The following CBLB variants were observed in gnomAD, a reference collection of about 807,000 sequenced individuals.
The protein encoded by CBLB is Cbl proto-oncogene B.
CBLB carries 31 observed loss-of-function variants against 104.9 expected under a neutral mutation model. That is an observed-to-expected ratio of 0.30 (90% confidence interval 0.22 to 0.40). The LOEUF (loss-of-function observed/expected upper bound fraction) is 0.40, where lower values mean the gene tolerates loss of function less well. CBLB is among the 10% of genes least tolerant of loss of function. The pLI, the probability that CBLB is intolerant of heterozygous loss-of-function variation, is 1.00. For synonymous variants in CBLB, 440 were observed against 422.6 expected (o/e 1.04, Z -0.51); for missense variants, 1,062 against 1,214.6 (o/e 0.87, Z 1.87).
rs1380746866 is a variant in CBLB at position 105,720,371 on chromosome 3, G to C, written c.1204-121C>G. ...AAAAAGACTTTTTGGGGTAGGAGGTGGGGGAAGATTTCTCTTGAAGTGGTA... is the reference window on the plus strand; with the variant it reads ...AAAAAGACTTTTTGGGGTAGGAGGTCGGGGAAGATTTCTCTTGAAGTGGTA... On this transcript the variant is annotated intron_variant, in intron 9 of 18. Coordinates refer to ENST00000394030, the MANE Select transcript of CBLB (RefSeq NM_170662.5). The C allele has an allele frequency of 1.5e-5, 13 of 856,782 alleles. No homozygotes were observed. The African/African-American group carries it at 2.2e-4, about 14-fold the overall frequency. The allele number at this position is 856,782 out of a possible 1,614,324, so 53.1% of individuals were successfully genotyped here. A position where few individuals can be genotyped will look rare whatever the true frequency, so the allele number is the denominator to read the frequency against.
intron 4 of CBLB, among the ~76,000 whole-genome samples, chr3:105,760,719 G>A (rs753337954): frequency 6.6e-6 from 1 of 151,714 alleles, no homozygotes; most frequent in East Asian, 1.9e-4. Flanking sequence ...AGATGTATAA[G>A]ATAAACTGAG....
At position 105,812,282 on chromosome 3, in the gene CBLB, G is replaced by C. The variant is rs190664185; in HGVS notation, c.420-35740C>G. Among the ~76,000 whole-genome samples, 382 of 152,276 alleles carry C rather than the reference G, an allele frequency of 2.5e-3. 2 individuals are homozygous for C. The highest frequency in any genetic ancestry group is 8.8e-3 in the African/African-American group (367 of 41,548). ...CACTCATCCAACAAATATTTACTGA[G>C]CACCTACTATGTCTCAATGGCTATG... is the stretch of plus-strand genomic sequence containing the variant. On this transcript the variant is annotated intron_variant, in intron 3 of 18. Transcript: ENST00000394030.
chr3:105,691,688 T>C (rs2067711342), intron 13 of CBLB, among the ~76,000 whole-genome samples: 1 of 152,208 alleles, frequency 6.6e-6, no homozygotes, highest in Admixed American at 6.5e-5. Flanking sequence ...TTGTCACTGA[T>C]TTAGAGCCTA....
intron 2 of CBLB, among the ~76,000 whole-genome samples, chr3:105,857,007 C>T (rs1345181163): frequency 1.3e-5 from 2 of 152,130 alleles, no homozygotes; most frequent in Non-Finnish European, 2.9e-5. Flanking sequence ...CATTCTACAG[C>T]AGGCATAGTT....
At chr3:105,799,935 T>C (rs956311006) in intron 3 of CBLB, among the ~76,000 whole-genome samples, 1 of 152,160 alleles carries the variant, frequency 6.6e-6, no homozygotes, top group South Asian at 2.1e-4. Context: ...TTAAAATAAA[T>C]AAAATAAACA....
intron 9 of CBLB, among the ~76,000 whole-genome samples, chr3:105,723,291 A>AT (rs2073146150): frequency 6.6e-6 from 1 of 152,214 alleles, no homozygotes; most frequent in Non-Finnish European, 1.5e-5. Context: ...AATAATATGC[A>AT]TTAATGGAGA....
intron 12 of CBLB, among the ~76,000 whole-genome samples, chr3:105,694,323 GAAATTACAGCAACTTA>G (rs1347093638): frequency 6.6e-6 from 1 of 151,916 alleles, no homozygotes; most frequent in Non-Finnish European, 1.5e-5. Context: ...CCTACAATTT[GAAATTACAGCAACTTA>G]AAGGGGGGCG....
chr3:105,677,187 T>C (rs963814199), intron 17 of CBLB, among the ~76,000 whole-genome samples: 2 of 152,010 alleles, frequency 1.3e-5, no homozygotes, highest in African/African-American at 4.8e-5. Context: ...CACAAATGGG[T>C]AAACAGTGAA....
intron 3 of CBLB, among the ~76,000 whole-genome samples, chr3:105,808,396 T>C (rs1001399488): frequency 6.6e-6 from 1 of 152,202 alleles, no homozygotes; most frequent in Non-Finnish European, 1.5e-5. Context: ...GTAGTCTTTA[T>C]TTTACAGGTA....
rs75044421 is a variant in CBLB, at chr3:105,860,602, T to C, written c.168+6808A>G. On this transcript the variant is annotated intron_variant, in intron 2 of 18. Coordinates refer to ENST00000394030, the MANE Select transcript of CBLB (RefSeq NM_170662.5). ...TCTTACAAGAGGAAATGTAAAGTGC[T>C]ATGCACTGTGTCCAGAACATAGTTA... Among the ~76,000 whole-genome samples the C allele has an allele frequency of 2.9e-3, 436 of 152,378 alleles. 3 individuals are homozygous for C. The highest frequency in any genetic ancestry group is 0.01 in the African/African-American group (425 of 41,600).
intron 3 of CBLB, among the ~76,000 whole-genome samples, chr3:105,781,485 T>TA (rs1185484241): frequency 1.3e-5 from 2 of 152,204 alleles, no homozygotes; most frequent in Non-Finnish European, 2.9e-5. Flanking sequence ...GAGATCATCA[T>TA]AATACAATGT....
chr3:105,834,930 T>C (rs1410265960), intron 3 of CBLB, among the ~76,000 whole-genome samples: 2 of 152,182 alleles, frequency 1.3e-5, no homozygotes, highest in Non-Finnish European at 2.9e-5. Context: ...GCTTTTCTTG[T>C]TTACCAATTA....
intron 9 of CBLB, among the ~76,000 whole-genome samples, chr3:105,725,808 G>A (rs116866502): frequency 0.022 from 3,419 of 152,186 alleles, 91 homozygotes; most frequent in East Asian, 0.12. Flanking sequence ...AAGACTGGTC[G>A]CCTTTGAAGG....
At chr3:105,733,156 G>C (rs1010221299) in intron 9 of CBLB, among the ~76,000 whole-genome samples, 1 of 152,038 alleles carries the variant, frequency 6.6e-6, no homozygotes, top group Non-Finnish European at 1.5e-5. Flanking sequence ...AGGAGATCGA[G>C]ACCATCCTGG....
At chr3:105,810,535 A>G (rs1192254272) in intron 3 of CBLB, among the ~76,000 whole-genome samples, 2 of 152,172 alleles carry the variant, frequency 1.3e-5, no homozygotes, top group Admixed American at 6.5e-5. Context: ...GAAATAGCTA[A>G]ACTTCATAAG....
rs191749907 is a variant in CBLB at position 105,720,351 on chromosome 3, G to C, written c.1204-101C>G. 3.6e-6 allele frequency: 4 copies of C among 1,112,316 alleles called. No homozygotes were observed. In the South Asian group the frequency reaches 5.4e-5, roughly 15 times the overall value. 68.9% of individuals were successfully genotyped at this position (1,112,316 alleles called of 1,614,324 possible). On this transcript the variant is annotated intron_variant, in intron 9 of 18. Transcript: ENST00000394030. ...ACTATAAAAGTCACACCCCCAAAAA[G>C]ACTTTTTGGGGTAGGAGGTGGGGGA...
intron 3 of CBLB, among the ~76,000 whole-genome samples, chr3:105,840,085 C>A (rs905017034): frequency 6.6e-6 from 1 of 152,078 alleles, no homozygotes; most frequent in African/African-American, 2.4e-5. Flanking sequence ...CATAGAAAAT[C>A]AGTATGCCCT....
intron 3 of CBLB, among the ~76,000 whole-genome samples, chr3:105,782,578 C>CTT (rs11333516): frequency 2.9e-5 from 4 of 137,518 alleles, no homozygotes; most frequent in African/African-American, 1.1e-4. Flanking sequence ...CTTTTCTTTT[C>CTT]TTTTTTTTTT....
At chr3:105,690,465 A>AATT (rs1174565944) in intron 13 of CBLB, among the ~76,000 whole-genome samples, 2 of 152,180 alleles carry the variant, frequency 1.3e-5, no homozygotes, top group African/African-American at 4.8e-5. Flanking sequence ...TTTGGAGATA[A>AATT]TTTAAGTTAA....
Sources: allele counts gnomAD v4.1 joint callset (sites outside exome capture counted in the v4.1 genomes callset), GRCh38; gene constraint gnomAD v4.1.1; transcripts MANE v1.5; gene names NCBI Gene and HGNC (gene_info 2026-07-23, HGNC 2026-07-21).